MAD1L1: variants seen among roughly 807,000 people sequenced by gnomAD.
MAD1L1 encodes mitotic spindle assembly checkpoint protein MAD1.
Under a neutral mutation model 96.9 loss-of-function variants are expected in MAD1L1, and 95 were observed. The observed-to-expected ratio is 0.98, with a 90% CI of 0.83 to 1.16. The LOEUF is 1.16. Ranked by LOEUF, MAD1L1 falls within the 50% of genes most tolerant of loss-of-function variation. MAD1L1 has a pLI of 0.00. For missense variants in MAD1L1, 1,007 were observed against 954.4 expected (o/e 1.06, Z -0.73); for synonymous variants, 473 against 396.6 (o/e 1.19, Z -2.29).
intron 18 of MAD1L1, among the ~76,000 whole-genome samples, chr7:1,838,416 C>T (rs1359284395): frequency 4.6e-5 from 7 of 152,234 alleles, no homozygotes; most frequent in Non-Finnish European, 8.8e-5. Flanking sequence ...TAGCCCCAAA[C>T]GGAAGCAATT....
chr7:1,921,080 G>A (rs768008558), intron 17 of MAD1L1, among the ~76,000 whole-genome samples: 1 of 152,156 alleles, frequency 6.6e-6, no homozygotes, highest in Non-Finnish European at 1.5e-5. Context: ...CCCCTGCCCA[G>A]CAGATGGCAG....
intron 16 of MAD1L1, among the ~76,000 whole-genome samples, chr7:1,951,254 C>G (rs1178181769): frequency 6.6e-6 from 1 of 152,246 alleles, no homozygotes; most frequent in Non-Finnish European, 1.5e-5. Flanking sequence ...GCCTCAGGGG[C>G]TCAGGCAGCA....
intron 13 of MAD1L1, among the ~76,000 whole-genome samples, chr7:2,006,164 G>A (rs181300084): frequency 6.6e-6 from 1 of 152,306 alleles, no homozygotes; most frequent in Admixed American, 6.5e-5. Context: ...CCTAAGAACA[G>A]AGCCATGGAA....
intron 13 of MAD1L1, among the ~76,000 whole-genome samples, chr7:2,009,902 A>G (rs903668810): frequency 5.3e-5 from 8 of 151,898 alleles, no homozygotes; most frequent in African/African-American, 1.7e-4. Context: ...AGCCCGGCTC[A>G]GCGCAGTTCT....
chr7:1,874,619 T>C (rs1785281718), intron 18 of MAD1L1: 2 of 437,114 alleles, frequency 4.6e-6, no homozygotes, highest in Non-Finnish European at 9.1e-6. Context: ...TGGCTCTTCA[T>C]CGATCGCCTG....
chr7:1,939,781 C>G (rs1238858198), intron 16 of MAD1L1, among the ~76,000 whole-genome samples: 1 of 152,250 alleles, frequency 6.6e-6, no homozygotes, highest in Non-Finnish European at 1.5e-5. Flanking sequence ...TCCAGCCTCC[C>G]AAGAGCTCAG....
intron 13 of MAD1L1, among the ~76,000 whole-genome samples, chr7:2,002,336 C>T (rs988296669): frequency 5.9e-5 from 9 of 152,166 alleles, no homozygotes; most frequent in Admixed American, 2.0e-4. Flanking sequence ...CTGATGGAGA[C>T]GAAGACCGAG....
At chr7:2,223,218 G>C (rs1028515928) in intron 4 of MAD1L1, among the ~76,000 whole-genome samples, 5 of 152,332 alleles carry the variant, frequency 3.3e-5, no homozygotes, top group Admixed American at 2.0e-4. Context: ...GTGGACAGGA[G>C]GCTGTGGGCA....
intron 17 of MAD1L1, among the ~76,000 whole-genome samples, chr7:1,927,640 AAAAAG>A (rs1789166973): frequency 1.3e-5 from 2 of 152,230 alleles, no homozygotes; most frequent in African/African-American, 4.8e-5. Flanking sequence ...TATAAAAACA[AAAAAG>A]AAAAGTAGCT....
intron 10 of MAD1L1, among the ~76,000 whole-genome samples, chr7:2,204,401 A>G (rs1792481945): frequency 1.3e-5 from 2 of 152,162 alleles, no homozygotes; most frequent in South Asian, 4.1e-4. Flanking sequence ...CTGCGTGTAC[A>G]CCTGTGCGGC....
chr7:2,031,644 T>C (rs527311233), intron 12 of MAD1L1, among the ~76,000 whole-genome samples: 1 of 152,326 alleles, frequency 6.6e-6, no homozygotes, highest in Non-Finnish European at 1.5e-5. Context: ...GGGAGGGCAC[T>C]GGGACCATCC....
At chr7:1,822,805 G>A (rs1782200639) in intron 18 of MAD1L1, among the ~76,000 whole-genome samples, 1 of 150,826 alleles carries the variant, frequency 6.6e-6, no homozygotes, top group Non-Finnish European at 1.5e-5. Context: ...AAAAAGAAGA[G>A]TAGAGGAATT....
chr7:1,862,579 T>C (rs922014775), intron 18 of MAD1L1, among the ~76,000 whole-genome samples: 1 of 152,216 alleles, frequency 6.6e-6, no homozygotes, highest in Non-Finnish European at 1.5e-5. Context: ...ATAAAGTTCA[T>C]CAGATCCACT....
intron 12 of MAD1L1, among the ~76,000 whole-genome samples, chr7:2,021,550 G>A (rs1782787431): frequency 6.6e-6 from 1 of 152,210 alleles, no homozygotes; most frequent in South Asian, 2.1e-4. Flanking sequence ...ATGGTCTGGT[G>A]TCAGAGGAGT....
intron 16 of MAD1L1, among the ~76,000 whole-genome samples, chr7:1,946,754 T>C (rs1400260572): frequency 2.0e-5 from 3 of 152,120 alleles, no homozygotes; most frequent in Admixed American, 1.3e-4. Flanking sequence ...GGGCCTAGGG[T>C]TCTGGAGATG....
intron 18 of MAD1L1, among the ~76,000 whole-genome samples, chr7:1,853,002 C>T (rs1489894154): frequency 2.0e-5 from 3 of 152,188 alleles, no homozygotes; most frequent in African/African-American, 4.8e-5. Flanking sequence ...GCAGGGCGGC[C>T]GAGGCACCCG....
chr7:2,022,298 A>G (rs376227358), intron 12 of MAD1L1, among the ~76,000 whole-genome samples: 16 of 152,356 alleles, frequency 1.1e-4, no homozygotes, highest in African/African-American at 3.8e-4. Flanking sequence ...GTCAAAGGCC[A>G]TCTGACCATG....
At chr7:1,820,390 C>T (rs1412087881) in intron 18 of MAD1L1, among the ~76,000 whole-genome samples, 3 of 152,102 alleles carry the variant, frequency 2.0e-5, no homozygotes, top group South Asian at 2.1e-4. Context: ...AAAACAAGCC[C>T]GAAGCAGGAG....
chr7:1,945,317 G>C (rs1175794557), intron 16 of MAD1L1, among the ~76,000 whole-genome samples: 2 of 152,248 alleles, frequency 1.3e-5, no homozygotes, highest in Admixed American at 1.3e-4. Flanking sequence ...GACTATCCCG[G>C]CACAGGCTCC....
Sources: gnomAD v4.1 joint callset for allele counts (sites outside exome capture counted in the v4.1 genomes callset) on GRCh38, gnomAD v4.1.1 for gene constraint, MANE v1.5 for transcripts, NCBI Gene and HGNC (gene_info 2026-07-23, HGNC 2026-07-21) for gene names.